ATOX1: variants seen among roughly 807,000 people sequenced by gnomAD.
ATOX1 encodes the protein copper transport protein ATOX1.
Under a neutral mutation model 7.3 loss-of-function variants are expected in ATOX1, and 4 were observed. The ratio of observed to expected loss-of-function variants is 0.55; its 90% confidence interval spans 0.27 to 1.25. The LOEUF (loss-of-function observed/expected upper bound fraction) is 1.25. ATOX1 is among the 50% of genes most tolerant of loss of function. The pLI, the probability that ATOX1 is intolerant of heterozygous loss-of-function variation, is 0.12. For missense variants in ATOX1, 68 were observed against 81.6 expected, an observed-to-expected ratio of 0.83 and a Z score of 0.64; for synonymous variants, 25 against 28.7, an observed-to-expected ratio of 0.87 and a Z score of 0.41.
At chr5:151,755,565 G>GC (rs2113187083) in intron 1 of ATOX1, among the ~76,000 whole-genome samples, 1 of 152,240 alleles carries the variant, frequency 6.6e-6, no homozygotes, top group African/African-American at 2.4e-5. Context: ...GTTTTTTGCT[G>GC]CCCAAGGACC....
At chr5:151,758,423 G>T in intron 1 of ATOX1, 123 bp downstream of exon 1, 1 of 1,346,226 alleles carries the variant, frequency 7.4e-7, no homozygotes, top group South Asian at 1.8e-5. Flanking sequence ...GTAAGCTAGG[G>T]GACAACAGCG....
At chr5:151,745,096 C>G (rs1761865407) in intron 3 of ATOX1, 1 of 152,226 alleles carries the variant, frequency 6.6e-6, no homozygotes, top group South Asian at 2.1e-4. Context: ...ACAGATGCAT[C>G]TGACATCTTG....
At chr5:151,751,350 T>C (rs1331089194) in intron 2 of ATOX1, among the ~76,000 whole-genome samples, 1 of 151,948 alleles carries the variant, frequency 6.6e-6, no homozygotes, top group Admixed American at 6.5e-5. Context: ...GAACTAGTAC[T>C]GCCATGGCTC....
In ATOX1 at chr5:151,746,282, C is replaced by T. The variant is rs375262099; in HGVS notation, c.*43G>A. The T allele has an allele frequency of 5.6e-4, 897 of 1,608,756 alleles. 15 individuals are homozygous for T. In the South Asian group the frequency reaches 9.4e-3, roughly 17 times the overall value. ...CAAGTGCTGGGGCCTTACCCACCTG[C>T]CCCCTTTGGTCCATCCTGTGGGCTG... On this transcript the variant is annotated 3_prime_UTR_variant, in exon 3 of 4. Coordinates refer to ENST00000313115, the MANE Select transcript of ATOX1 (RefSeq NM_004045.4).
chr5:151,754,618 A>C (rs1761989382), intron 1 of ATOX1, among the ~76,000 whole-genome samples: 1 of 152,110 alleles, frequency 6.6e-6, no homozygotes, highest in Admixed American at 6.6e-5. Context: ...TTTGGAAAAA[A>C]AAATGATGAT....
Position 151,746,317 on chromosome 5 carries a change from G to T in ATOX1, c.*8C>A. 1 of 1,612,766 alleles carries T rather than the reference G, an allele frequency of 6.2e-7. No homozygotes were observed. On this transcript the variant is annotated 3_prime_UTR_variant, in exon 3 of 4. Coordinates refer to ENST00000313115, the MANE Select transcript of ATOX1 (RefSeq NM_004045.4). ...TCCATCCTGTGGGCTGTGGGGACCA[G>T]GCCCCTGCTACTCAAGGCCAAGGTA...
At chr5:151,749,505 G>GCC (rs1761917234) in intron 2 of ATOX1, among the ~76,000 whole-genome samples, 1 of 149,790 alleles carries the variant, frequency 6.7e-6, no homozygotes, top group East Asian at 2.0e-4. Context: ...AAAAAAATTA[G>GCC]CCAGGCGTGG....
intron 1 of ATOX1, 81 bp from the exon 2 acceptor site, chr5:151,751,860 G>C: frequency 7.1e-7 from 1 of 1,406,146 alleles, no homozygotes; most frequent in Non-Finnish European, 9.8e-7. Context: ...CCCACTCAGG[G>C]TCAAGACAGA....
chr5:151,758,559 G>A lies in ATOX1; in HGVS notation c.-8C>T, dbSNP rs1342810746. On this transcript the variant is annotated 5_prime_UTR_variant, in exon 1 of 4. Coordinates refer to ENST00000313115, the MANE Select transcript of ATOX1 (RefSeq NM_004045.4). Reference sequence around the variant, plus strand: ...GCAACCACTCACCGGCATGACTGAGGCAGCGGCGGTGTGGCGGCGGTGTGG... The same window carrying A: ...GCAACCACTCACCGGCATGACTGAGACAGCGGCGGTGTGGCGGCGGTGTGG... The A allele has an allele frequency of 2.1e-6, 3 of 1,430,362 alleles. No individual in the cohort carries two copies. Among genetic ancestry groups the A allele is most frequent in the Non-Finnish European group, 1.8e-6 (2 of 1,087,192 alleles). The allele number at this position is 1,430,362 out of a possible 1,614,324, so 88.6% of individuals were successfully genotyped here.
intron 2 of ATOX1, among the ~76,000 whole-genome samples, chr5:151,747,687 C>A (rs1011804530): frequency 6.6e-6 from 1 of 151,934 alleles, no homozygotes; most frequent in Non-Finnish European, 1.5e-5. Context: ...CGGGTTCAAG[C>A]GATTCTTCTG....
intron 2 of ATOX1, 125 bp from the exon 3 acceptor site, chr5:151,746,574 C>A (rs113487729): frequency 7.0e-6 from 9 of 1,292,938 alleles, no homozygotes; most frequent in Admixed American, 2.1e-5. Context: ...GAGCAGGGAT[C>A]GGCAAACTTC....
At chr5:151,749,147 G>T (rs1581556689) in intron 2 of ATOX1, among the ~76,000 whole-genome samples, 1 of 152,282 alleles carries the variant, frequency 6.6e-6, no homozygotes, top group Non-Finnish European at 1.5e-5. Context: ...TTCATCCAGA[G>T]CCTGCTGCTT....
chr5:151,753,321 T>C (rs1474608851), intron 1 of ATOX1, among the ~76,000 whole-genome samples: 2 of 152,220 alleles, frequency 1.3e-5, no homozygotes, highest in African/African-American at 4.8e-5. Context: ...TGAGTTACTA[T>C]AAATATATTT....
intron 1 of ATOX1, among the ~76,000 whole-genome samples, chr5:151,753,546 T>C (rs1025422457): frequency 3.3e-5 from 5 of 152,186 alleles, no homozygotes; most frequent in African/African-American, 1.2e-4. Flanking sequence ...ATTACCTCAG[T>C]TGGAATCCTG....
At chr5:151,756,428 CTTCT>C (rs151169290) in intron 1 of ATOX1, among the ~76,000 whole-genome samples, 22 of 150,672 alleles carry the variant, frequency 1.5e-4, no homozygotes, top group African/African-American at 2.9e-4. Flanking sequence ...CTTCTCTTCT[CTTCT>C]TTCTTTCTTT....
At chr5:151,758,441 C>T (rs1399384845) in intron 1 of ATOX1, 105 bp downstream of exon 1, 8 of 1,358,850 alleles carry the variant, frequency 5.9e-6, no homozygotes, top group Middle Eastern at 2.0e-4. Flanking sequence ...GCGGCTCCGG[C>T]CGCCGCCTGA....
intron 1 of ATOX1, among the ~76,000 whole-genome samples, chr5:151,757,316 A>T (rs1762030945): frequency 6.6e-6 from 1 of 152,130 alleles, no homozygotes; most frequent in African/African-American, 2.4e-5. Flanking sequence ...CCCACAAAAA[A>T]TCCTGGTGGC....
chr5:151,757,851 A>G (rs549456219), intron 1 of ATOX1, among the ~76,000 whole-genome samples: 1 of 152,214 alleles, frequency 6.6e-6, no homozygotes, highest in African/African-American at 2.4e-5. Flanking sequence ...TCAATTCTTT[A>G]TATAAAAAAC....
intron 1 of ATOX1, among the ~76,000 whole-genome samples, chr5:151,755,004 A>C (rs1761996652): frequency 6.6e-6 from 1 of 151,480 alleles, no homozygotes; most frequent in Non-Finnish European, 1.5e-5. Flanking sequence ...AAAAAAAAGA[A>C]ACACAAAAAC....
Sources: gnomAD v4.1 joint callset for allele counts (sites outside exome capture counted in the v4.1 genomes callset) on GRCh38, gnomAD v4.1.1 for gene constraint, MANE v1.5 for transcripts, NCBI Gene and HGNC (gene_info 2026-07-23, HGNC 2026-07-21) for gene names.